The following P2RX5 variants were observed in gnomAD, a reference collection of about 807,000 sequenced individuals.
The protein encoded by P2RX5 is P2X purinoceptor 5.
In P2RX5, 46 loss-of-function variants were observed where a neutral mutation model predicts 54.1. The observed-to-expected ratio is 0.85, with a 90% CI of 0.67 to 1.09. The LOEUF (loss-of-function observed/expected upper bound fraction) is 1.09. Among genes scored for constraint, P2RX5 ranks in the 50% least tolerant of loss-of-function variants. The pLI is 0.00. For synonymous variants in P2RX5, 226 were observed against 226.4 expected, an observed-to-expected ratio of 1.00 and a Z score of 0.02; for missense variants, 566 against 549.8, an observed-to-expected ratio of 1.03 and a Z score of -0.29.
the P2RX5 span, among the ~76,000 whole-genome samples, chr17:3,715,883 G>A: frequency 1.3e-5 from 2 of 152,062 alleles, no homozygotes; most frequent in Non-Finnish European, 2.9e-5. Context: ...GAGGCTGGGA[G>A]TGGTGGTTCA....
At chr17:3,701,057 T>C (rs1375362456), upstream of P2RX5, among the ~76,000 whole-genome samples, 1 of 152,164 alleles carries the variant, frequency 6.6e-6, no homozygotes, top group Non-Finnish European at 1.5e-5. Flanking sequence ...GTATAATCCC[T>C]TCCTGTTCAC....
chr17:3,720,690 C>G, the P2RX5 span: 1 of 235,886 alleles, frequency 4.2e-6, no homozygotes, highest in East Asian at 1.2e-4. Context: ...TCAAGCGATT[C>G]TCCTGCCTTA....
intron 6 of P2RX5, among the ~76,000 whole-genome samples, 157 bp downstream of exon 6, chr17:3,689,909 CACAG>C (rs796671141): frequency 6.6e-6 from 1 of 151,734 alleles, no homozygotes; most frequent in South Asian, 2.1e-4. Flanking sequence ...CACACATGCA[CACAG>C]ACACATGCAC....
chr17:3,685,088 C>CA (rs1449847804), intron 9 of P2RX5, among the ~76,000 whole-genome samples: 22 of 152,172 alleles, frequency 1.4e-4, no homozygotes, highest in African/African-American at 4.3e-4. Flanking sequence ...TCAGGTGATC[C>CA]GCCACCTCAC....
chr17:3,699,414 G>T (rs1406341952), upstream of P2RX5, among the ~76,000 whole-genome samples: 2 of 151,712 alleles, frequency 1.3e-5, no homozygotes, highest in African/African-American at 4.8e-5. Context: ...GACCAGGTGG[G>T]ATGGTGCACA....
At position 3,673,848 on chromosome 17, in the gene P2RX5, T is replaced by C. The variant is rs114410020; in HGVS notation, c.*20A>G. 1,341 of 1,612,914 alleles carry C rather than the reference T, an allele frequency of 8.3e-4. 17 individuals carry two copies. The African/African-American group carries it at 0.017, about 20-fold the overall frequency. On this transcript the variant is annotated 3_prime_UTR_variant, in exon 12 of 12. Transcript: ENST00000225328. ...AGACGGCTGGGTTTAGGACAGGGCC[T>C]GAACGTAAGCAGAGGCAATTCACGT... is the stretch of plus-strand genomic sequence containing the variant.
the P2RX5 span, chr17:3,720,519 C>T: frequency 1.6e-6 from 1 of 618,926 alleles, no homozygotes. Flanking sequence ...TAGTTAATGG[C>T]CCTAACGTAC....
the P2RX5 span, among the ~76,000 whole-genome samples, chr17:3,719,053 G>T: frequency 6.6e-6 from 1 of 151,750 alleles, no homozygotes; most frequent in Non-Finnish European, 1.5e-5. Context: ...CCAACATGGT[G>T]AAATCCTGTC....
upstream of P2RX5, among the ~76,000 whole-genome samples, chr17:3,697,123 C>T (rs529329570): frequency 1.4e-5 from 2 of 142,626 alleles, no homozygotes; most frequent in African/African-American, 5.1e-5. Context: ...CCCTCCCACA[C>T]TCAGGGCGGA....
upstream of P2RX5, among the ~76,000 whole-genome samples, chr17:3,699,920 A>G (rs2050806043): frequency 2.1e-5 from 1 of 48,478 alleles, no homozygotes; most frequent in Non-Finnish European, 5.5e-5. Context: ...GAAGGAAGGA[A>G]AGAAAGAAAG....
the P2RX5 span, chr17:3,723,250 C>A: frequency 7.5e-7 from 1 of 1,340,340 alleles, no homozygotes; most frequent in Non-Finnish European, 1.1e-6. Context: ...CCGTGAGCAA[C>A]TGGATAATCA....
Position 3,681,958 on chromosome 17 carries a change from C to G in P2RX5, c.1002G>C (p.Leu334=), listed in dbSNP as rs149274827. ...VNGKGAFFCD[L]VLIYLIKKRE... ...TCTTTTTGATGAGGTAGATGAGTACCAGGTCGCAGAAGAAAGCACCCTGCA... is the reference window on the plus strand; with the variant it reads ...TCTTTTTGATGAGGTAGATGAGTACGAGGTCGCAGAAGAAAGCACCCTGCA... The change falls in exon 10 of 12, where the codon CTG becomes CTC. Residue 334 remains leucine, a synonymous_variant. Coordinates refer to ENST00000225328, the MANE Select transcript of P2RX5 (RefSeq NM_002561.4). 1 of 1,613,252 alleles carries G rather than the reference C, an allele frequency of 6.2e-7. No homozygotes were observed. The highest frequency in any genetic ancestry group is 1.3e-5 in the African/African-American group (1 of 74,910).
the P2RX5 span, among the ~76,000 whole-genome samples, chr17:3,712,469 G>A: frequency 3.9e-5 from 6 of 152,080 alleles, no homozygotes; most frequent in African/African-American, 1.4e-4. Context: ...GGCAGAGGAG[G>A]GCCAGAAAAG....
intron 11 of P2RX5, chr17:3,675,482 C>G (rs761292093): frequency 5.1e-6 from 5 of 985,360 alleles, no homozygotes; most frequent in Non-Finnish European, 6.0e-6. Context: ...CTAAAAGTCA[C>G]CAAGTTATAA....
chr17:3,678,863 GTAC>G (rs1352440554), intron 11 of P2RX5, among the ~76,000 whole-genome samples: 1 of 152,206 alleles, frequency 6.6e-6, no homozygotes, highest in Non-Finnish European at 1.5e-5. Context: ...CACCGCACAG[GTAC>G]TCTGCAAGGC....
Position 3,688,006 on chromosome 17 carries a change from A to G in P2RX5, c.981+6T>C, listed in dbSNP as rs201729481. 938 of 1,433,286 alleles carry G rather than the reference A, an allele frequency of 6.5e-4. 5 individuals are homozygous for G. The African/African-American group carries it at 0.011, about 17-fold the overall frequency. The allele number at this position is 1,433,286 out of a possible 1,614,324, so 88.8% of individuals were successfully genotyped here. On this transcript the variant is annotated splice_donor_region_variant and intron_variant, in intron 9 of 11. Transcript: ENST00000225328. The stretch of plus-strand genomic sequence containing the variant: ...CCAGCCTCAGAACAGGAGAAGGCAC[A>G]CGCACCTTGCCGTTCACCATCACGT...
intron 9 of P2RX5, among the ~76,000 whole-genome samples, chr17:3,683,622 C>T (rs970415770): frequency 6.6e-6 from 1 of 151,394 alleles, no homozygotes; most frequent in Non-Finnish European, 1.5e-5. Context: ...CCCAGCTACT[C>T]AGGAGGCTGA....
upstream of P2RX5, among the ~76,000 whole-genome samples, chr17:3,699,888 AGG>A (rs1221251986): frequency 9.6e-4 from 29 of 30,138 alleles, 1 homozygote; most frequent in East Asian, 0.019. Flanking sequence ...GAAGGAAGGA[AGG>A]AAGGAAGGAA....
At chr17:3,699,323 T>G (rs1484276881), upstream of P2RX5, among the ~76,000 whole-genome samples, 1 of 151,564 alleles carries the variant, frequency 6.6e-6, no homozygotes, top group African/African-American at 2.4e-5. Context: ...TGAGCCCAGG[T>G]GGGTTGAGGC....
Sources: allele counts gnomAD v4.1 joint callset (sites outside exome capture counted in the v4.1 genomes callset), GRCh38; gene constraint gnomAD v4.1.1; transcripts MANE v1.5; gene names NCBI Gene and HGNC (gene_info 2026-07-23, HGNC 2026-07-21).